Variants in NBEA observed in about 807,000 individuals in gnomAD.
The protein encoded by NBEA is lysosomal-trafficking regulator 2.
In NBEA, 44 loss-of-function variants were observed where a neutral mutation model predicts 343.4. The ratio of observed to expected loss-of-function variants is 0.13; its 90% CI spans 0.10 to 0.16. The LOEUF (loss-of-function observed/expected upper bound fraction) is 0.16. NBEA is among the 10% of genes least tolerant of loss of function. The pLI, the probability that NBEA is intolerant of heterozygous loss-of-function variation, is 1.00. For synonymous variants in NBEA, 1,175 were observed against 1,238.7 expected (o/e 0.95, Z 1.08); for missense variants, 2,555 against 3,631.3 (o/e 0.70, Z 7.62).
chr13:35,366,635 C>G (rs1026342909), intron 38 of NBEA, among the ~76,000 whole-genome samples: 2 of 150,130 alleles, frequency 1.3e-5, no homozygotes, highest in African/African-American at 4.9e-5. Flanking sequence ...ATTATAATTC[C>G]TCAAACATAA....
intron 30 of NBEA, chr13:35,185,846 G>A (rs2071662748): frequency 6.6e-6 from 1 of 152,104 alleles, no homozygotes; most frequent in Admixed American, 6.6e-5. Context: ...ATTGCATGCT[G>A]TAGTGCAGTG....
At chr13:35,084,417 G>C (rs543419286) in intron 10 of NBEA, among the ~76,000 whole-genome samples, 19 of 152,212 alleles carry the variant, frequency 1.2e-4, no homozygotes, top group African/African-American at 4.3e-4. Context: ...TAGAACTCAG[G>C]ATTAAGAAAC....
At chr13:35,374,637 A>C (rs907409222) in intron 38 of NBEA, among the ~76,000 whole-genome samples, 2 of 152,196 alleles carry the variant, frequency 1.3e-5, no homozygotes, top group African/African-American at 4.8e-5. Context: ...GTATTAAATA[A>C]ATGGATATTT....
intron 34 of NBEA, among the ~76,000 whole-genome samples, chr13:35,288,840 T>A (rs2035609749): frequency 6.6e-6 from 1 of 152,008 alleles, no homozygotes; most frequent in Non-Finnish European, 1.5e-5. Flanking sequence ...AGAATTCAAA[T>A]CTTTGAGTAG....
chr13:35,390,314 A>C (rs1432275482), intron 38 of NBEA, among the ~76,000 whole-genome samples: 1 of 152,124 alleles, frequency 6.6e-6, no homozygotes, highest in Non-Finnish European at 1.5e-5. Flanking sequence ...CAAAGGCAAA[A>C]ATAAGGGCTT....
chr13:35,048,492 C>T, intron 4 of NBEA, 71 bp from the exon 5 acceptor site: 1 of 1,384,132 alleles, frequency 7.2e-7, no homozygotes, highest in Non-Finnish European at 9.8e-7. Flanking sequence ...TCTGCAAAAG[C>T]CATATTTGAC....
rs147163879 is a variant in NBEA at position 35,645,507 on chromosome 13, C to A, written c.7618-362C>A. Among the ~76,000 whole-genome samples, 1,200 of 152,216 alleles carry A rather than the reference C, an allele frequency of 7.9e-3. 5 individuals are homozygous for A. Among genetic ancestry groups the A allele is most frequent in the Middle Eastern group, 0.024 (7 of 294 alleles). ...GACAGTTTGAGGGCTAAAATTATTT[C>A]TATTCCTTGGAGGCTATAAAATCTC... On this transcript the variant is annotated intron_variant, in intron 49 of 58. Transcript: ENST00000379939.
At chr13:35,497,617 T>C (rs1011803862) in intron 41 of NBEA, among the ~76,000 whole-genome samples, 4 of 152,054 alleles carry the variant, frequency 2.6e-5, no homozygotes, top group African/African-American at 9.7e-5. Context: ...TCTTTCAGTC[T>C]TTTCTCTGTT....
chr13:35,332,867 G>C (rs1040156527), intron 36 of NBEA, among the ~76,000 whole-genome samples: 1 of 152,126 alleles, frequency 6.6e-6, no homozygotes, highest in Non-Finnish European at 1.5e-5. Flanking sequence ...GAGGCATCAT[G>C]AGTCTTAAAA....
chr13:35,450,433 G>T (rs1393787895), intron 39 of NBEA, among the ~76,000 whole-genome samples: 1 of 152,172 alleles, frequency 6.6e-6, no homozygotes, highest in Non-Finnish European at 1.5e-5. Context: ...GCTGCAGTGA[G>T]CTGTGATCAT....
chr13:35,482,655 A>C (rs1250015704), intron 41 of NBEA, among the ~76,000 whole-genome samples: 1 of 151,642 alleles, frequency 6.6e-6, no homozygotes, highest in Non-Finnish European at 1.5e-5. Context: ...CTAGTGAAAT[A>C]AAATGTATAG....
At chr13:35,377,818 G>A (rs2041825110) in intron 38 of NBEA, among the ~76,000 whole-genome samples, 1 of 152,056 alleles carries the variant, frequency 6.6e-6, no homozygotes, top group Non-Finnish European at 1.5e-5. Context: ...TGTTATCCCT[G>A]TCTCTCATTT....
At chr13:34,971,510 AT>A (rs2059995226) in intron 1 of NBEA, among the ~76,000 whole-genome samples, 1 of 152,106 alleles carries the variant, frequency 6.6e-6, no homozygotes, top group Admixed American at 6.5e-5. Context: ...GGCTCTTATT[AT>A]TTTGAGATAT....
At chr13:35,081,631 ATGTT>A (rs2064405085) in intron 10 of NBEA, among the ~76,000 whole-genome samples, 1 of 152,072 alleles carries the variant, frequency 6.6e-6, no homozygotes, top group African/African-American at 2.4e-5. Context: ...GATATTAACA[ATGTT>A]TGTTTGCATA....
chr13:35,409,444 T>C (rs117278267), intron 38 of NBEA, among the ~76,000 whole-genome samples: 5,318 of 152,140 alleles, frequency 0.035, 137 homozygotes, highest in Non-Finnish European at 0.054. Context: ...ACCCCCATGA[T>C]ACAAGTTTAC....
chr13:35,497,623 C>A (rs2076731183), intron 41 of NBEA, among the ~76,000 whole-genome samples: 2 of 151,998 alleles, frequency 1.3e-5, no homozygotes, highest in South Asian at 4.1e-4. Context: ...AGTCTTTTCT[C>A]TGTTTTGTAA....
chr13:35,293,619 A>G (rs1362035574), intron 35 of NBEA, among the ~76,000 whole-genome samples: 1 of 151,964 alleles, frequency 6.6e-6, no homozygotes, highest in Non-Finnish European at 1.5e-5. Flanking sequence ...TTATAATTAG[A>G]TATGATTGAA....
chr13:35,457,000 A>G (rs1165658933), intron 40 of NBEA, among the ~76,000 whole-genome samples: 2 of 150,892 alleles, frequency 1.3e-5, no homozygotes, highest in Non-Finnish European at 3.0e-5. Context: ...ATATATAGAT[A>G]TATAGATATA....
At chr13:34,991,582 A>G (rs981650783) in intron 1 of NBEA, among the ~76,000 whole-genome samples, 4 of 152,168 alleles carry the variant, frequency 2.6e-5, no homozygotes, top group Non-Finnish European at 4.4e-5. Context: ...CTCCTCCAAC[A>G]CCGAGGATTA....
Sources: allele counts gnomAD v4.1 joint callset (sites outside exome capture counted in the v4.1 genomes callset), GRCh38; gene constraint gnomAD v4.1.1; transcripts MANE v1.5; gene names NCBI Gene and HGNC (gene_info 2026-07-23, HGNC 2026-07-21).